MTUS1: variants seen among roughly 807,000 people sequenced by gnomAD.
MTUS1 encodes microtubule-associated tumor suppressor 1.
Under a neutral mutation model 120.8 loss-of-function variants are expected in MTUS1, and 109 were observed. That is an observed-to-expected ratio of 0.90 (90% CI 0.77 to 1.06). The LOEUF (loss-of-function observed/expected upper bound fraction) is 1.06. MTUS1 is among the 50% of genes least tolerant of loss of function. The probability of loss-of-function intolerance (pLI) is 0.00; values close to 1 mark genes in which losing one functional copy is unlikely to be tolerated. For synonymous variants in MTUS1, 737 were observed against 550.5 expected (o/e 1.34, Z -4.74); for missense variants, 2,210 against 1,486.3 (o/e 1.49, Z -8.01).
chr8:17,684,059 C>G (rs745959819), intron 7 of MTUS1, among the ~76,000 whole-genome samples: 14 of 152,134 alleles, frequency 9.2e-5, no homozygotes, highest in Non-Finnish European at 2.1e-4. Flanking sequence ...GAGGCATACA[C>G]CGGCGTAAGA....
chr8:17,699,636 C>T (rs74344314), intron 6 of MTUS1, among the ~76,000 whole-genome samples: 2,063 of 152,322 alleles, frequency 0.014, 16 homozygotes, highest in Non-Finnish European at 0.021. Context: ...TATAACCACA[C>T]ATATTGAAAA....
chr8:17,657,849 A>G (rs1205576816), intron 8 of MTUS1, among the ~76,000 whole-genome samples: 1 of 150,102 alleles, frequency 6.7e-6, no homozygotes, highest in African/African-American at 2.4e-5. Context: ...AAAAAAATTT[A>G]TATATGTATA....
intron 9 of MTUS1, among the ~76,000 whole-genome samples, chr8:17,655,648 C>T (rs1036384120): frequency 2.6e-5 from 4 of 152,168 alleles, no homozygotes; most frequent in Middle Eastern, 3.4e-3. Context: ...CACTTGAACC[C>T]GGGAGGCAGA....
intron 3 of MTUS1, among the ~76,000 whole-genome samples, chr8:17,724,640 G>A (rs966345856): frequency 1.3e-5 from 2 of 152,028 alleles, no homozygotes; most frequent in East Asian, 1.9e-4. Context: ...GTATCCTCTG[G>A]CATCTCTGAA....
At chr8:17,750,786 T>G (rs2048132646) in intron 2 of MTUS1, among the ~76,000 whole-genome samples, 1 of 152,236 alleles carries the variant, frequency 6.6e-6, no homozygotes, top group African/African-American at 2.4e-5. Flanking sequence ...TTCCTTTCCT[T>G]TTAGGTTAAG....
chr8:17,667,477 C>G (rs149674582), intron 8 of MTUS1, among the ~76,000 whole-genome samples: 1 of 152,132 alleles, frequency 6.6e-6, no homozygotes, highest in East Asian at 1.9e-4. Flanking sequence ...TTCCATATGG[C>G]GTGAGGCAAT....
intron 13 of MTUS1, among the ~76,000 whole-genome samples, chr8:17,649,238 G>C (rs1025063264): frequency 3.3e-5 from 5 of 151,980 alleles, no homozygotes; most frequent in African/African-American, 1.2e-4. Context: ...TATATTTTTA[G>C]TAGAGACAGG....
chr8:17,709,895 T>C lies in MTUS1; in HGVS notation c.2623+3319A>G, dbSNP rs541175843. 4.6e-5 allele frequency among the ~76,000 whole-genome samples: 7 copies of C among 151,720 alleles called. No homozygotes were observed. The South Asian group carries it at 1.5e-3, about 32-fold the overall frequency. The stretch of plus-strand genomic sequence containing the variant: ...GGTGGCGAGCACCTGTAGTCCCAGC[T>C]ACTCGGGAGGCTGAGGCAGGAGAAT... On this transcript the variant is annotated intron_variant, in intron 6 of 14. Coordinates refer to ENST00000693296, the MANE Select transcript of MTUS1 (RefSeq NM_001363059.2).
At chr8:17,716,844 G>A (rs1316481277) in intron 4 of MTUS1, among the ~76,000 whole-genome samples, 4 of 152,126 alleles carry the variant, frequency 2.6e-5, no homozygotes, top group East Asian at 1.9e-4. Context: ...GTGAGCCACC[G>A]CACCTAGCCT....
intron 6 of MTUS1, among the ~76,000 whole-genome samples, chr8:17,700,189 C>CGGT (rs1818762907): frequency 6.6e-6 from 1 of 151,890 alleles, no homozygotes; most frequent in Non-Finnish European, 1.5e-5. Context: ...GGGCCGGGCG[C>CGGT]GGTGGTGAGA....
At chr8:17,791,686 A>G (rs1489981062) in intron 1 of MTUS1, among the ~76,000 whole-genome samples, 1 of 152,204 alleles carries the variant, frequency 6.6e-6, no homozygotes, top group South Asian at 2.1e-4. Context: ...ACAATCTCCA[A>G]TGTTTGCTAC....
intron 6 of MTUS1, among the ~76,000 whole-genome samples, chr8:17,707,056 A>C (rs556434066): frequency 2.7e-4 from 41 of 152,198 alleles, no homozygotes; most frequent in Non-Finnish European, 4.7e-4. Flanking sequence ...AAATATCTCA[A>C]AGCCATAGTA....
chr8:17,665,010 C>T (rs1375980438), intron 8 of MTUS1, among the ~76,000 whole-genome samples: 1 of 152,182 alleles, frequency 6.6e-6, no homozygotes, highest in African/African-American at 2.4e-5. Context: ...GAACAAATAC[C>T]ACCTGTTCTG....
At position 17,684,559 on chromosome 8, in the gene MTUS1, CAT is replaced by C; in HGVS notation, c.2624-19_2624-18del. The C allele has an allele frequency of 1.3e-6, 2 of 1,599,838 alleles. No homozygotes were observed. Among genetic ancestry groups the C allele is most frequent in the Non-Finnish European group, 1.7e-6 (2 of 1,169,308 alleles). On this transcript the variant is annotated intron_variant, in intron 6 of 14. Coordinates refer to ENST00000693296, the MANE Select transcript of MTUS1 (RefSeq NM_001363059.2). ...TCTTTTCAACTGCAAAACGAATTAA[CAT>C]AGGTACAAAGATAGGTGAGGTTAAT... is the stretch of plus-strand genomic sequence containing the variant.
intron 10 of MTUS1, 155 bp downstream of exon 10, chr8:17,654,406 A>C (rs1412062367): frequency 9.8e-6 from 6 of 612,380 alleles, no homozygotes; most frequent in Admixed American, 5.8e-5. Flanking sequence ...GGCATCTGTT[A>C]ACAATAAACC....
At chr8:17,736,876 T>A (rs548620728) in intron 3 of MTUS1, among the ~76,000 whole-genome samples, 3 of 152,240 alleles carry the variant, frequency 2.0e-5, no homozygotes, top group Middle Eastern at 3.4e-3. Context: ...TGAGCCACCA[T>A]GTTTGGCTCT....
chr8:17,754,586 A>G lies in MTUS1; in HGVS notation c.1222T>C (p.Ser408Pro), dbSNP rs1333903958. 3.1e-6 allele frequency: 5 copies of G among 1,614,160 alleles called. No homozygotes were observed. In the African/African-American group the frequency reaches 6.7e-5, roughly 22 times the overall value. ...SSPPGQKVGS[S>P]FGLTWDANDM... Reference sequence around the variant, plus strand: ...TTTGCATCCCAAGTCAGTCCAAATGACGAGCCCACCTTTTGTCCTGGCGGG... The same window carrying G: ...TTTGCATCCCAAGTCAGTCCAAATGGCGAGCCCACCTTTTGTCCTGGCGGG... The change falls in exon 2 of 15, where the codon TCA becomes CCA. Residue 408 changes from serine (S) to proline (P), a missense_variant. By Grantham distance (74) the Ser-to-Pro change is moderately conservative. Transcript: ENST00000693296.
chr8:17,654,427 G>A, intron 10 of MTUS1, 134 bp downstream of exon 10: 1 of 644,216 alleles, frequency 1.6e-6, no homozygotes, highest in South Asian at 2.0e-5. Flanking sequence ...ACGCAAAAAG[G>A]AACCAAGAAC....
intron 6 of MTUS1, among the ~76,000 whole-genome samples, chr8:17,699,141 G>C (rs1035662997): frequency 6.6e-6 from 1 of 152,160 alleles, no homozygotes; most frequent in African/African-American, 2.4e-5. Context: ...CATATAGTAG[G>C]AGGTGGTTTT....
Sources: allele counts gnomAD v4.1 joint callset (sites outside exome capture counted in the v4.1 genomes callset), GRCh38; gene constraint gnomAD v4.1.1; transcripts MANE v1.5; gene names NCBI Gene and HGNC (gene_info 2026-07-23, HGNC 2026-07-21).